The following CRISPLD2 variants were observed in gnomAD, a reference collection of about 807,000 sequenced individuals.
CRISPLD2 encodes the protein cysteine rich secretory protein LCCL domain containing 2.
A neutral mutation model predicts 71.1 loss-of-function variants in CRISPLD2; 47 were observed. That is an observed-to-expected ratio of 0.66 (90% confidence interval 0.52 to 0.84). The LOEUF is 0.84. Among genes scored for constraint, CRISPLD2 ranks in the 40% least tolerant of loss-of-function variants. CRISPLD2 has a pLI of 0.00. For missense variants in CRISPLD2, 830 were observed against 651.1 expected (o/e 1.27, Z -2.99); for synonymous variants, 317 against 250.1 (o/e 1.27, Z -2.52).
chr16:84,835,060 A>G (rs1461687751), intron 1 of CRISPLD2, among the ~76,000 whole-genome samples: 1 of 152,014 alleles, frequency 6.6e-6, no homozygotes, highest in East Asian at 1.9e-4. Context: ...ACAAACTGGA[A>G]TGAGGTGCTG....
Position 84,866,891 on chromosome 16 carries a change from G to C in CRISPLD2, c.710-6G>C. On this transcript the variant is annotated splice_polypyrimidine_tract_variant and splice_region_variant and intron_variant, in intron 6 of 14. Coordinates refer to ENST00000262424, the MANE Select transcript of CRISPLD2 (RefSeq NM_031476.4). ...TTATTTTTTTTCCTCCCTCTCCAAT[G>C]TTAAGAAGAAACCTACACTCCAAAA... is the stretch of plus-strand genomic sequence containing the variant. The C allele has an allele frequency of 6.2e-7, 1 of 1,612,038 alleles. No individual in the cohort carries two copies. Among genetic ancestry groups the C allele is most frequent in the Non-Finnish European group, 8.5e-7 (1 of 1,178,610 alleles).
chr16:84,845,724 T>G, intron 2 of CRISPLD2, 62 bp from the exon 3 acceptor site: 1 of 1,127,448 alleles, frequency 8.9e-7, no homozygotes. Context: ...TTGCTGTATT[T>G]ATGGTTCTTA....
chr16:84,823,345 G>A lies in CRISPLD2; in HGVS notation c.-75+3212G>A, dbSNP rs570554925. On this transcript the variant is annotated intron_variant, in intron 1 of 14. Transcript: ENST00000262424. ...TTTGTGTACAAGGTTTTTTGAGGGC[G>A]GATGTTTTCATATCTCTTGAGTGTT... Among the ~76,000 whole-genome samples, 10 of 152,326 alleles carry A rather than the reference G, an allele frequency of 6.6e-5. No homozygotes were observed. The South Asian group carries it at 1.4e-3, about 22-fold the overall frequency.
At chr16:84,865,196 C>T (rs1397755693) in intron 6 of CRISPLD2, among the ~76,000 whole-genome samples, 3 of 150,998 alleles carry the variant, frequency 2.0e-5, no homozygotes, top group African/African-American at 7.3e-5. Flanking sequence ...CGCTCTGTCG[C>T]CCAGGCTGGA....
chr16:84,854,656 C>A (rs1917184162), intron 5 of CRISPLD2, 73 bp from the exon 6 acceptor site: 1 of 1,096,258 alleles, frequency 9.1e-7, no homozygotes, highest in Non-Finnish European at 1.4e-6. Flanking sequence ...CTCACGTGGG[C>A]CTTGGAAGAG....
chr16:84,899,521 A>C (rs950130599), intron 14 of CRISPLD2, among the ~76,000 whole-genome samples: 1 of 152,154 alleles, frequency 6.6e-6, no homozygotes, highest in African/African-American at 2.4e-5. Flanking sequence ...AAGGTGGGGA[A>C]TTTTTCTTGG....
intron 1 of CRISPLD2, among the ~76,000 whole-genome samples, chr16:84,834,425 G>A (rs1358676455): frequency 6.6e-6 from 1 of 152,226 alleles, no homozygotes; most frequent in African/African-American, 2.4e-5. Flanking sequence ...AGGGTAGAAT[G>A]GGCAGTGTGG....
chr16:84,885,020 G>C (rs561760192), intron 13 of CRISPLD2, among the ~76,000 whole-genome samples: 3 of 152,354 alleles, frequency 2.0e-5, no homozygotes, highest in African/African-American at 7.2e-5. Flanking sequence ...TGCTGAGAGA[G>C]ACAGAAAGCC....
At chr16:84,877,585 C>T (rs2143305129) in intron 12 of CRISPLD2, 75 bp downstream of exon 12, 1 of 1,442,028 alleles carries the variant, frequency 6.9e-7, no homozygotes, top group Non-Finnish European at 9.7e-7. Context: ...TGAGGTGGCT[C>T]ACAGCTGTAA....
chr16:84,829,698 C>G (rs2143145898), intron 1 of CRISPLD2, among the ~76,000 whole-genome samples: 1 of 152,326 alleles, frequency 6.6e-6, no homozygotes, highest in East Asian at 1.9e-4. Context: ...GGTAAGTGAC[C>G]AGGGCGTAGT....
intron 14 of CRISPLD2, among the ~76,000 whole-genome samples, chr16:84,893,839 T>A (rs773618650): frequency 1.3e-5 from 2 of 152,156 alleles, no homozygotes; most frequent in Non-Finnish European, 2.9e-5. Flanking sequence ...TTATTCCCAA[T>A]AGGGGCTGTG....
chr16:84,895,248 C>G (rs558158035), intron 14 of CRISPLD2, among the ~76,000 whole-genome samples: 1 of 152,308 alleles, frequency 6.6e-6, no homozygotes, highest in South Asian at 2.1e-4. Flanking sequence ...AGAGCTGGGA[C>G]TCAAACCTAG....
chr16:84,852,070 C>G (rs1039794592), intron 5 of CRISPLD2, among the ~76,000 whole-genome samples: 21 of 151,476 alleles, frequency 1.4e-4, no homozygotes, highest in African/African-American at 4.9e-4. Flanking sequence ...GCATCGGGCT[C>G]CAGTGGGAGC....
chr16:84,834,388 G>A (rs57027901), intron 1 of CRISPLD2, among the ~76,000 whole-genome samples: 25,855 of 152,248 alleles, frequency 0.17, 2,302 homozygotes, highest in Middle Eastern at 0.24. Context: ...CTTCGGTCCC[G>A]GTTCCGACTG....
At chr16:84,872,907 G>C (rs2071483634) in intron 9 of CRISPLD2, 85 bp from the exon 10 acceptor site, 1 of 1,505,740 alleles carries the variant, frequency 6.6e-7, no homozygotes, top group Non-Finnish European at 9.0e-7. Context: ...TTAGTGAGTT[G>C]AGGACAAATG....
intron 14 of CRISPLD2, among the ~76,000 whole-genome samples, chr16:84,900,347 G>T (rs1021698183): frequency 2.0e-5 from 3 of 152,164 alleles, no homozygotes; most frequent in African/African-American, 7.2e-5. Flanking sequence ...TAGTCTGGCA[G>T]TTTCCAATCT....
chr16:84,882,666 A>G (rs1471618557), intron 13 of CRISPLD2, among the ~76,000 whole-genome samples: 5 of 152,312 alleles, frequency 3.3e-5, no homozygotes, highest in African/African-American at 1.2e-4. Flanking sequence ...TGGCTTCCCA[A>G]AGTGTTGGGA....
intron 13 of CRISPLD2, among the ~76,000 whole-genome samples, chr16:84,886,414 G>T (rs1295865586): frequency 1.3e-5 from 2 of 152,222 alleles, no homozygotes; most frequent in African/African-American, 4.8e-5. Flanking sequence ...GGAGCTATGA[G>T]ACTGTGCCAG....
chr16:84,829,224 G>A (rs1024440072), intron 1 of CRISPLD2: 2 of 152,432 alleles, frequency 1.3e-5, no homozygotes, highest in Non-Finnish European at 1.5e-5. Context: ...AGCAGCTAGG[G>A]AAGGAGCTGG....
Sources: gnomAD v4.1 joint callset for allele counts (sites outside exome capture counted in the v4.1 genomes callset) on GRCh38, gnomAD v4.1.1 for gene constraint, MANE v1.5 for transcripts, NCBI Gene and HGNC (gene_info 2026-07-23, HGNC 2026-07-21) for gene names.